The following NTNG1 variants were observed in gnomAD, a reference collection of about 807,000 sequenced individuals.
The protein encoded by NTNG1 is netrin-G1.
A neutral mutation model predicts 54.0 loss-of-function variants in NTNG1; 16 were observed. The ratio of observed to expected loss-of-function variants is 0.30; its 90% confidence interval spans 0.20 to 0.45. The LOEUF is 0.45. Among genes scored for constraint, NTNG1 ranks in the 20% least tolerant of loss-of-function variants. The probability of loss-of-function intolerance (pLI) is 1.00; values close to 1 mark genes in which losing one functional copy is unlikely to be tolerated. For missense variants in NTNG1, 530 were observed against 678.7 expected, an observed-to-expected ratio of 0.78 and a Z score of 2.43; for synonymous variants, 255 against 263.1, an observed-to-expected ratio of 0.97 and a Z score of 0.30.
rs116030015 is a variant in NTNG1, at chr1:107,204,808, C to A, written c.246+55969C>A. On this transcript the variant is annotated intron_variant, in intron 2 of 7. Transcript: ENST00000370068. Reference sequence around the variant, plus strand: ...TGCCTCCTACCCGCACCCCTGCAATCTCTGTACATACCCTTCTTGACTACT... The same window carrying A: ...TGCCTCCTACCCGCACCCCTGCAATATCTGTACATACCCTTCTTGACTACT... 4.0e-3 allele frequency among the ~76,000 whole-genome samples: 616 copies of A among 152,258 alleles called. 1 individual carries two copies. Among genetic ancestry groups the A allele is most frequent in the Non-Finnish European group, 6.5e-3 (442 of 68,014 alleles).
chr1:107,429,383 T>C (rs1675111885), intron 5 of NTNG1, among the ~76,000 whole-genome samples: 1 of 152,122 alleles, frequency 6.6e-6, no homozygotes, highest in African/African-American at 2.4e-5. Context: ...AGCCACCTCT[T>C]ATTATTATTT....
At chr1:107,452,452 T>C (rs1676684787) in intron 7 of NTNG1, among the ~76,000 whole-genome samples, 1 of 152,168 alleles carries the variant, frequency 6.6e-6, no homozygotes, top group African/African-American at 2.4e-5. Flanking sequence ...GAGCTTGAGT[T>C]TGTCCCCACA....
At chr1:107,329,897 A>G (rs760006444) in intron 3 of NTNG1, among the ~76,000 whole-genome samples, 10 of 152,100 alleles carry the variant, frequency 6.6e-5, no homozygotes, top group Non-Finnish European at 1.0e-4. Context: ...CTTTATAAAC[A>G]ACAACGACAA....
At chr1:107,234,474 T>A (rs1661274487) in intron 2 of NTNG1, among the ~76,000 whole-genome samples, 1 of 152,134 alleles carries the variant, frequency 6.6e-6, no homozygotes, top group Non-Finnish European at 1.5e-5. Flanking sequence ...TCATTTTTCA[T>A]GCTTATTGAG....
chr1:107,473,427 G>T (rs187258947), intron 7 of NTNG1, among the ~76,000 whole-genome samples: 33 of 152,234 alleles, frequency 2.2e-4, no homozygotes, highest in African/African-American at 7.2e-4. Flanking sequence ...CCAAGTCCTG[G>T]CTAATACCCT....
chr1:107,418,821 A>G (rs1674385513), intron 5 of NTNG1, among the ~76,000 whole-genome samples: 1 of 152,034 alleles, frequency 6.6e-6, no homozygotes, highest in Non-Finnish European at 1.5e-5. Flanking sequence ...AGAGTGAAAG[A>G]TGAAGGGGAA....
chr1:107,165,460 T>C (rs1655722197), intron 2 of NTNG1, among the ~76,000 whole-genome samples: 1 of 152,182 alleles, frequency 6.6e-6, no homozygotes, highest in African/African-American at 2.4e-5. Flanking sequence ...GAGCAAGTTT[T>C]CTTAGCAATG....
intron 2 of NTNG1, among the ~76,000 whole-genome samples, chr1:107,223,403 A>T (rs1292400694): frequency 6.6e-6 from 1 of 152,146 alleles, no homozygotes; most frequent in Non-Finnish European, 1.5e-5. Flanking sequence ...TGAGTTTGAC[A>T]TGCAGAAGCC....
Position 107,325,430 on chromosome 1 carries a change from T to G in NTNG1, c.887+508T>G, listed in dbSNP as rs75390528. Among the ~76,000 whole-genome samples the G allele has an allele frequency of 7.3e-3, 1,107 of 152,212 alleles. 16 individuals carry two copies. Among genetic ancestry groups the G allele is most frequent in the African/African-American group, 0.025 (1,041 of 41,544 alleles). On this transcript the variant is annotated intron_variant, in intron 3 of 7. Transcript: ENST00000370068. ...AGCATGTAGGAAACATTTGTTAAATTGGGACACGCTCTACTTTTCATGTTT... is the reference window on the plus strand; with the variant it reads ...AGCATGTAGGAAACATTTGTTAAATGGGGACACGCTCTACTTTTCATGTTT...
intron 7 of NTNG1, among the ~76,000 whole-genome samples, chr1:107,465,581 C>T (rs559259966): frequency 2.2e-4 from 33 of 152,324 alleles, no homozygotes; most frequent in African/African-American, 7.7e-4. Context: ...GGCTTAAACA[C>T]TCACAGAAAT....
At chr1:107,160,392 C>T (rs939956237) in intron 2 of NTNG1, among the ~76,000 whole-genome samples, 1 of 152,124 alleles carries the variant, frequency 6.6e-6, no homozygotes, top group Non-Finnish European at 1.5e-5. Flanking sequence ...TTTACCTTCT[C>T]CACTGCCAAC....
intron 2 of NTNG1, among the ~76,000 whole-genome samples, chr1:107,265,108 G>T (rs1161584699): frequency 6.6e-6 from 1 of 152,164 alleles, no homozygotes; most frequent in Non-Finnish European, 1.5e-5. Context: ...TGTGGTGATT[G>T]TGTCTTGTTT....
chr1:107,290,962 AT>A (rs1293070434), intron 2 of NTNG1, among the ~76,000 whole-genome samples: 28 of 116,214 alleles, frequency 2.4e-4, no homozygotes, highest in African/African-American at 9.6e-4. Context: ...ATATATATAT[AT>A]TATATATATA....
At chr1:107,480,338 T>C (rs1678605532) in intron 7 of NTNG1, among the ~76,000 whole-genome samples, 1 of 152,164 alleles carries the variant, frequency 6.6e-6, no homozygotes, top group Admixed American at 6.5e-5. Flanking sequence ...TTGCATTACT[T>C]TGTATTCTAT....
chr1:107,418,193 T>G (rs1268478229), intron 5 of NTNG1, among the ~76,000 whole-genome samples: 1 of 152,064 alleles, frequency 6.6e-6, no homozygotes, highest in Non-Finnish European at 1.5e-5. Context: ...TCTGTAAATA[T>G]AAATTGAGGA....
At chr1:107,178,417 TA>T (rs1656812364) in intron 2 of NTNG1, among the ~76,000 whole-genome samples, 1 of 152,190 alleles carries the variant, frequency 6.6e-6, no homozygotes, top group South Asian at 2.1e-4. Flanking sequence ...TCCTTCATTA[TA>T]GCCACATGTT....
At chr1:107,413,451 A>AT (rs1177658075) in intron 5 of NTNG1, among the ~76,000 whole-genome samples, 1 of 151,904 alleles carries the variant, frequency 6.6e-6, no homozygotes, top group Non-Finnish European at 1.5e-5. Context: ...TGCTTAAAAA[A>AT]TTTTTTTCAA....
At chr1:107,212,515 T>C (rs1394704949) in intron 2 of NTNG1, among the ~76,000 whole-genome samples, 1 of 152,170 alleles carries the variant, frequency 6.6e-6, no homozygotes, top group Non-Finnish European at 1.5e-5. Flanking sequence ...TTTAATTTTG[T>C]TATATGAACA....
At chr1:107,364,788 C>A (rs900302342) in intron 3 of NTNG1, among the ~76,000 whole-genome samples, 5 of 152,064 alleles carry the variant, frequency 3.3e-5, no homozygotes, top group Non-Finnish European at 4.4e-5. Flanking sequence ...GTTCCAAGTG[C>A]GAAATTACCT....
Sources: gnomAD v4.1 joint callset for allele counts (sites outside exome capture counted in the v4.1 genomes callset) on GRCh38, gnomAD v4.1.1 for gene constraint, MANE v1.5 for transcripts, NCBI Gene and HGNC (gene_info 2026-07-23, HGNC 2026-07-21) for gene names.